The following HEXB variants were observed in gnomAD, a reference collection of about 807,000 sequenced individuals.
The protein encoded by HEXB is hexosaminidase subunit beta, also known as beta-hexosaminidase subunit beta.
A neutral mutation model predicts 71.2 loss-of-function variants in HEXB; 51 were observed. The ratio of observed to expected loss-of-function variants is 0.72; its 90% CI spans 0.57 to 0.90. The LOEUF is 0.90. Ranked by LOEUF, HEXB falls within the 40% of genes least tolerant of loss-of-function variation. The probability of loss-of-function intolerance (pLI) is 0.00; values close to 1 mark genes in which losing one functional copy is unlikely to be tolerated. For synonymous variants in HEXB, 266 were observed against 249.3 expected, an observed-to-expected ratio of 1.07 and a Z score of -0.63; for missense variants, 617 against 677.0, an observed-to-expected ratio of 0.91 and a Z score of 0.98.
chr5:74,717,246 G>A lies in HEXB; in HGVS notation c.1169+573G>A, dbSNP rs143997246. On this transcript the variant is annotated intron_variant, in intron 9 of 13. Transcript: ENST00000261416. Reference sequence around the variant, plus strand: ...CTTGAAGCCCTGGCTACCCTGTGAAGTCTTCACTACCATCCAGCCCCTGGA... The same window carrying A: ...CTTGAAGCCCTGGCTACCCTGTGAAATCTTCACTACCATCCAGCCCCTGGA... Among the ~76,000 whole-genome samples, 400 of 152,194 alleles carry A rather than the reference G, an allele frequency of 2.6e-3. 3 individuals are homozygous for A. Among genetic ancestry groups the A allele is most frequent in the African/African-American group, 7.9e-3 (328 of 41,506 alleles).
intron 1 of HEXB, among the ~76,000 whole-genome samples, chr5:74,676,375 A>G (rs1453026252): frequency 6.6e-6 from 1 of 152,146 alleles, no homozygotes; most frequent in Non-Finnish European, 1.5e-5. Context: ...TCCTGGCCTC[A>G]AGCAATTAAT....
chr5:74,702,325 G>T (rs139864278), intron 5 of HEXB, among the ~76,000 whole-genome samples: 1 of 151,534 alleles, frequency 6.6e-6, no homozygotes, highest in African/African-American at 2.4e-5. Flanking sequence ...TGATCCGCCC[G>T]CCTCGGCCTC....
At chr5:74,664,366 G>T (rs1748391639) in intron 1 of HEXB, among the ~76,000 whole-genome samples, 3 of 138,882 alleles carry the variant, frequency 2.2e-5, no homozygotes, top group South Asian at 4.7e-4. Context: ...AGGAGATGAA[G>T]ATCAAAGTAG....
intron 5 of HEXB, among the ~76,000 whole-genome samples, chr5:74,704,830 G>A (rs1216173909): frequency 5.9e-5 from 9 of 152,156 alleles, no homozygotes; most frequent in Non-Finnish European, 1.3e-4. Context: ...GGTGGCTCAT[G>A]CCTGTAATCC....
At chr5:74,662,876 G>A (rs1364518234) in intron 1 of HEXB, among the ~76,000 whole-genome samples, 2 of 152,178 alleles carry the variant, frequency 1.3e-5, no homozygotes, top group Non-Finnish European at 2.9e-5. Context: ...AAAACCTGGA[G>A]GAATTTAAGC....
At chr5:74,684,674 CT>C (rs1191674612), upstream of HEXB, among the ~76,000 whole-genome samples, 579 of 133,842 alleles carry the variant, frequency 4.3e-3, 10 homozygotes, top group African/African-American at 0.011. Context: ...TTTTTCTTTT[CT>C]TTTTTTTTTT....
At chr5:74,644,772 T>C (rs1326579654) in intron 1 of HEXB, among the ~76,000 whole-genome samples, 1 of 120,486 alleles carries the variant, frequency 8.3e-6, no homozygotes, top group African/African-American at 3.5e-5. Flanking sequence ...TCCTTTTTTT[T>C]TTTTTTTTTT....
intron 7 of HEXB, among the ~76,000 whole-genome samples, chr5:74,714,494 A>T (rs1330700836): frequency 6.6e-6 from 1 of 152,236 alleles, no homozygotes. Context: ...GTGTGCAAAA[A>T]GTGTAAGATA....
chr5:74,653,307 A>G (rs1238234993), intron 1 of HEXB, among the ~76,000 whole-genome samples: 1 of 152,252 alleles, frequency 6.6e-6, no homozygotes, highest in Non-Finnish European at 1.5e-5. Flanking sequence ...CAATTTACAC[A>G]GTAATCCCAC....
chr5:74,670,782 T>G (rs1748520769), intron 1 of HEXB, among the ~76,000 whole-genome samples: 1 of 151,730 alleles, frequency 6.6e-6, no homozygotes, highest in Non-Finnish European at 1.5e-5. Context: ...ACTGTGGGAG[T>G]GGTTTGCAAC....
intron 4 of HEXB, 118 bp from the exon 5 acceptor site, chr5:74,696,878 C>T (rs1205270377): frequency 9.1e-6 from 7 of 768,516 alleles, no homozygotes; most frequent in Non-Finnish European, 1.3e-5. Flanking sequence ...AAATTTCATA[C>T]ATTTTTGTTG....
chr5:74,711,870 T>C (rs1749551060), intron 6 of HEXB, among the ~76,000 whole-genome samples: 1 of 151,544 alleles, frequency 6.6e-6, no homozygotes, highest in Non-Finnish European at 1.5e-5. Flanking sequence ...GAAGTCAGTG[T>C]GGCGATTCCT....
chr5:74,703,093 C>T (rs1467168771), intron 5 of HEXB, among the ~76,000 whole-genome samples: 1 of 152,230 alleles, frequency 6.6e-6, no homozygotes, highest in African/African-American at 2.4e-5. Context: ...GCTGGAGTTA[C>T]AGGCATCCGC....
At chr5:74,662,394 G>T (rs1748343817) in intron 1 of HEXB, among the ~76,000 whole-genome samples, 1 of 152,098 alleles carries the variant, frequency 6.6e-6, no homozygotes, top group Non-Finnish European at 1.5e-5. Flanking sequence ...TGTCATTTAA[G>T]CAAAAATGTA....
chr5:74,699,013 A>G (rs929851941), intron 5 of HEXB, among the ~76,000 whole-genome samples: 3 of 151,814 alleles, frequency 2.0e-5, no homozygotes, highest in Non-Finnish European at 4.4e-5. Flanking sequence ...GGTGAAACCC[A>G]TCTCTACTAA....
intron 6 of HEXB, among the ~76,000 whole-genome samples, chr5:74,708,552 C>A (rs1385106841): frequency 1.3e-5 from 2 of 152,030 alleles, no homozygotes; most frequent in Non-Finnish European, 2.9e-5. Flanking sequence ...ACCCATCTCA[C>A]GGGCAGAGAC....
chr5:74,670,089 T>C (rs1748504714), intron 1 of HEXB, among the ~76,000 whole-genome samples: 6 of 152,282 alleles, frequency 3.9e-5, no homozygotes, highest in Admixed American at 2.0e-4. Flanking sequence ...CATAAATCCA[T>C]GGACTGATTG....
chr5:74,707,438 C>T (rs909381784), intron 6 of HEXB, among the ~76,000 whole-genome samples: 95 of 152,222 alleles, frequency 6.2e-4, no homozygotes, highest in African/African-American at 1.6e-3. Context: ...CAAAGCTGGA[C>T]GGAGAATGAC....
intron 1 of HEXB, among the ~76,000 whole-genome samples, chr5:74,677,450 T>C (rs1341892856): frequency 6.6e-6 from 1 of 151,874 alleles, no homozygotes; most frequent in Non-Finnish European, 1.5e-5. Flanking sequence ...ACAGCTGTAT[T>C]GCATTCTATT....
Sources: gnomAD v4.1 joint callset for allele counts (sites outside exome capture counted in the v4.1 genomes callset) on GRCh38, gnomAD v4.1.1 for gene constraint, MANE v1.5 for transcripts, NCBI Gene and HGNC (gene_info 2026-07-23, HGNC 2026-07-21) for gene names.